The following C8orf34 variants were observed in gnomAD, a reference collection of about 807,000 sequenced individuals.
C8orf34 encodes chromosome 8 open reading frame 34.
C8orf34 carries 65 observed loss-of-function variants against 68.3 expected under a neutral mutation model. The observed-to-expected ratio is 0.95, with a 90% CI of 0.78 to 1.17. C8orf34 has a LOEUF of 1.17. C8orf34 is among the 50% of genes most tolerant of loss of function. The pLI is 0.00. For missense variants in C8orf34, 664 were observed against 655.4 expected (o/e 1.01, Z -0.14); for synonymous variants, 244 against 241.2 (o/e 1.01, Z -0.11).
At chr8:68,567,237 G>T (rs1211000412) in intron 7 of C8orf34, among the ~76,000 whole-genome samples, 1 of 152,106 alleles carries the variant, frequency 6.6e-6, no homozygotes, top group Non-Finnish European at 1.5e-5. Context: ...GTACAATTCT[G>T]CTGTGAATCT....
At position 68,533,000 on chromosome 8, in the gene C8orf34, A is replaced by G; in HGVS notation, c.956A>G (p.Lys319Arg). The change falls in exon 7 of 14, where the codon AAG becomes AGG. Residue 319 changes from lysine (K) to arginine (R), a missense_variant. By Grantham distance (26) the Lys-to-Arg change is conservative. Transcript: ENST00000518698. Reference protein sequence around the residue: ...SPAGSLKMEPKNKGLKQQQQQ... With the variant: ...SPAGSLKMEPRNKGLKQQQQQ... ...TTCTTCAGCTTAAAGATGGAGCCTA[A>G]GAACAAAGGATTAAAACAGCAGCAA... 2.5e-6 allele frequency: 4 copies of G among 1,595,460 alleles called. No homozygotes were observed. Among genetic ancestry groups the G allele is most frequent in the Non-Finnish European group, 3.4e-6 (4 of 1,170,200 alleles).
chr8:68,708,012 C>G (rs1416946980), intron 8 of C8orf34, among the ~76,000 whole-genome samples: 1 of 152,026 alleles, frequency 6.6e-6, no homozygotes, highest in Admixed American at 6.6e-5. Flanking sequence ...TTAAAGTGGT[C>G]TTTTTCCCAA....
intron 3 of C8orf34, among the ~76,000 whole-genome samples, chr8:68,454,914 C>A (rs1298225354): frequency 6.6e-6 from 1 of 151,854 alleles, no homozygotes; most frequent in Non-Finnish European, 1.5e-5. Context: ...GCACTGCTTC[C>A]ACTGCATACC....
At chr8:68,572,147 A>T (rs2130274869) in intron 7 of C8orf34, among the ~76,000 whole-genome samples, 1 of 152,138 alleles carries the variant, frequency 6.6e-6, no homozygotes, top group African/African-American at 2.4e-5. Context: ...CTGCAGTAAA[A>T]ATATATTATT....
chr8:68,579,795 C>T (rs1056426278), intron 7 of C8orf34, among the ~76,000 whole-genome samples: 5 of 152,102 alleles, frequency 3.3e-5, no homozygotes, highest in Non-Finnish European at 5.9e-5. Context: ...GGCATATGTG[C>T]GGCTACTTTC....
intron 1 of C8orf34, among the ~76,000 whole-genome samples, chr8:68,346,825 A>G (rs1806304672): frequency 6.6e-6 from 1 of 152,064 alleles, no homozygotes. Context: ...TGGATATACC[A>G]TAGTTTATCC....
intron 3 of C8orf34, among the ~76,000 whole-genome samples, chr8:68,463,560 G>A (rs1811953717): frequency 6.6e-6 from 1 of 152,102 alleles, no homozygotes; most frequent in Non-Finnish European, 1.5e-5. Context: ...CTGGCAAACT[G>A]AATCCAGCAG....
At chr8:68,465,833 G>A (rs1812099869) in intron 3 of C8orf34, among the ~76,000 whole-genome samples, 1 of 151,850 alleles carries the variant, frequency 6.6e-6, no homozygotes, top group African/African-American at 2.4e-5. Context: ...GATAGCATTA[G>A]GAGATATACC....
At chr8:68,510,112 A>C (rs1248407110) in intron 5 of C8orf34, among the ~76,000 whole-genome samples, 1 of 151,958 alleles carries the variant, frequency 6.6e-6, no homozygotes, top group Non-Finnish European at 1.5e-5. Context: ...TTTTTTTCTT[A>C]GGGCTTTGAC....
intron 1 of C8orf34, among the ~76,000 whole-genome samples, chr8:68,350,166 G>A (rs1400258631): frequency 6.6e-6 from 1 of 151,466 alleles, no homozygotes; most frequent in Admixed American, 6.6e-5. Flanking sequence ...TATGTTGTAT[G>A]TTTGTCCTCA....
chr8:68,551,433 T>G (rs1330372119), intron 7 of C8orf34, among the ~76,000 whole-genome samples: 3 of 152,084 alleles, frequency 2.0e-5, no homozygotes, highest in Non-Finnish European at 4.4e-5. Context: ...CTTTATCCAT[T>G]AGAGACTTTA....
chr8:68,436,265 G>A (rs181827405), intron 1 of C8orf34, among the ~76,000 whole-genome samples: 5 of 152,130 alleles, frequency 3.3e-5, no homozygotes, highest in African/African-American at 9.6e-5. Flanking sequence ...CAAAGACTGA[G>A]TGTCTAATCA....
At chr8:68,658,214 A>G (rs1430769820) in intron 8 of C8orf34, among the ~76,000 whole-genome samples, 1 of 152,126 alleles carries the variant, frequency 6.6e-6, no homozygotes, top group Non-Finnish European at 1.5e-5. Context: ...TTTTTCTGTA[A>G]TACACCATTC....
intron 7 of C8orf34, among the ~76,000 whole-genome samples, chr8:68,553,638 C>T (rs757073841): frequency 8.6e-5 from 13 of 151,846 alleles, no homozygotes; most frequent in South Asian, 2.1e-4. Flanking sequence ...TTTAATTTGT[C>T]GGCGTACACT....
intron 7 of C8orf34, among the ~76,000 whole-genome samples, chr8:68,578,037 TAA>T (rs960883475): frequency 6.7e-6 from 1 of 149,646 alleles, no homozygotes; most frequent in African/African-American, 2.5e-5. Context: ...TATAATAAGT[TAA>T]AAAAAAACTT....
At position 68,521,834 on chromosome 8, in the gene C8orf34, C is replaced by T. The variant is rs1317365296; in HGVS notation, c.801C>T (p.Pro267=). 1 of 1,613,830 alleles carries T rather than the reference C, an allele frequency of 6.2e-7. No individual in the cohort carries two copies. Reference sequence around the variant, plus strand: ...CATTTAATTCTTCTCTTCTGAGGCCCCGTGTGATTGGAGAATGGATTGGTA... The same window carrying T: ...CATTTAATTCTTCTCTTCTGAGGCCTCGTGTGATTGGAGAATGGATTGGTA... ...TVTFNSSLLR[P]RVIGEWIGRE... Residue 267 remains proline, a synonymous_variant, in exon 6 of 14, where the codon CCC becomes CCT. Coordinates refer to ENST00000518698, the MANE Select transcript of C8orf34 (RefSeq NM_052958.4).
chr8:68,540,737 GA>G (rs1478196424), intron 7 of C8orf34, among the ~76,000 whole-genome samples: 6 of 152,080 alleles, frequency 3.9e-5, no homozygotes, highest in African/African-American at 1.4e-4. Context: ...AGCTACTCGG[GA>G]AGCTGAAGCA....
At chr8:68,644,364 C>A (rs115492071) in intron 8 of C8orf34, among the ~76,000 whole-genome samples, 4 of 152,226 alleles carry the variant, frequency 2.6e-5, no homozygotes, top group African/African-American at 4.8e-5. Flanking sequence ...AATTCCTAGT[C>A]TCCCTCTCCT....
chr8:68,624,908 T>G (rs1818492665), intron 7 of C8orf34, among the ~76,000 whole-genome samples: 1 of 100,562 alleles, frequency 9.9e-6, no homozygotes, highest in African/African-American at 4.5e-5. Context: ...GCTAATTTCT[T>G]GCTTTTTTTT....
Sources: gnomAD v4.1 joint callset for allele counts (sites outside exome capture counted in the v4.1 genomes callset) on GRCh38, gnomAD v4.1.1 for gene constraint, MANE v1.5 for transcripts, NCBI Gene and HGNC (gene_info 2026-07-23, HGNC 2026-07-21) for gene names.